The following APLP2 variants were observed in gnomAD, a reference collection of about 807,000 sequenced individuals.
APLP2 encodes the protein amyloid beta precursor like protein 2, also known as CDEI box-binding protein.
APLP2 carries 53 observed loss-of-function variants against 89.9 expected under a neutral mutation model. The observed-to-expected ratio is 0.59, with a 90% confidence interval of 0.47 to 0.74. The LOEUF is 0.74. Ranked by LOEUF, APLP2 falls within the 30% of genes least tolerant of loss-of-function variation. The probability of loss-of-function intolerance (pLI) is 0.00; values close to 1 mark genes in which losing one functional copy is unlikely to be tolerated. For missense variants in APLP2, 973 were observed against 975.9 expected (o/e 1.00, Z 0.04); for synonymous variants, 372 against 348.6 (o/e 1.07, Z -0.75).
At chr11:130,121,962 A>G in intron 5 of APLP2, 152 bp downstream of exon 5, 3 of 1,253,022 alleles carry the variant, frequency 2.4e-6, no homozygotes, top group Admixed American at 2.3e-5. Context: ...CATTCTAGCC[A>G]TTGCCAATCA....
intron 3 of APLP2, among the ~76,000 whole-genome samples, chr11:130,113,823 A>G (rs1263924020): frequency 1.3e-5 from 2 of 152,204 alleles, no homozygotes; most frequent in Non-Finnish European, 2.9e-5. Flanking sequence ...TCAAATTTAC[A>G]GAATGGTTAC....
intron 8 of APLP2, 85 bp downstream of exon 8, chr11:130,126,915 C>T: frequency 1.3e-6 from 2 of 1,569,854 alleles, no homozygotes; most frequent in South Asian, 1.1e-5. Context: ...AATAGCTTCT[C>T]CCTAGATTGT....
rs190311604 is a variant in APLP2, at chr11:130,109,908, C to G, written c.279+306C>G. 14 of 286,516 alleles carry G rather than the reference C, an allele frequency of 4.9e-5. No homozygotes were observed. In the Admixed American group the frequency reaches 5.0e-4, roughly 10 times the overall value. 17.7% of individuals were successfully genotyped at this position (286,516 alleles called of 1,614,324 possible). ...TTGGAAGATGGAAAACAAAACATGTCTCCTTACTGACAGAAAGCCACCAGT... is the reference window on the plus strand; with the variant it reads ...TTGGAAGATGGAAAACAAAACATGTGTCCTTACTGACAGAAAGCCACCAGT... On this transcript the variant is annotated intron_variant, in intron 2 of 16. Transcript: ENST00000338167.
At chr11:130,090,592 A>G (rs1944815465) in intron 1 of APLP2, among the ~76,000 whole-genome samples, 1 of 151,858 alleles carries the variant, frequency 6.6e-6, no homozygotes, top group South Asian at 2.1e-4. Flanking sequence ...AAGGTCACAG[A>G]TCAACAGGAT....
At chr11:130,096,229 A>G (rs1335544389) in intron 1 of APLP2, among the ~76,000 whole-genome samples, 1 of 152,194 alleles carries the variant, frequency 6.6e-6, no homozygotes, top group African/African-American at 2.4e-5. Context: ...GGCTTGTGAC[A>G]TCAAGGGTGG....
Position 130,141,411 on chromosome 11 carries a change from C to A in APLP2, c.1924-87C>A. On this transcript the variant is annotated intron_variant, in intron 14 of 16. Coordinates refer to ENST00000338167, the MANE Select transcript of APLP2 (RefSeq NM_001142276.2). This position sits in a 1 kb window ranked among gnomAD's most constrained non-coding sequence, Gnocchi z 4.2. ...CAGGTACCTGCTTCCTTCCATCAAG[C>A]AGCAGGTAGCAGAGGAAGGAGGCAG... The A allele has an allele frequency of 9.3e-7, 1 of 1,079,080 alleles. No homozygotes were observed. The highest frequency in any genetic ancestry group is 1.3e-5 in the South Asian group (1 of 74,860). 66.8% of individuals were successfully genotyped at this position (1,079,080 alleles called of 1,614,324 possible).
intron 11 of APLP2, among the ~76,000 whole-genome samples, chr11:130,131,928 C>T (rs1175370572): frequency 1.3e-5 from 2 of 152,192 alleles, no homozygotes; most frequent in Non-Finnish European, 2.9e-5. Flanking sequence ...CAAAGCTTAC[C>T]TTCTGCCTTG....
chr11:130,134,817 G>A (rs957940451), intron 12 of APLP2, among the ~76,000 whole-genome samples: 8 of 152,146 alleles, frequency 5.3e-5, no homozygotes, highest in African/African-American at 1.9e-4. Context: ...TTGGGGGAGC[G>A]GCATCAAGAA....
At chr11:130,084,998 C>A (rs765685630) in intron 1 of APLP2, among the ~76,000 whole-genome samples, 1 of 152,060 alleles carries the variant, frequency 6.6e-6, no homozygotes, top group Non-Finnish European at 1.5e-5. Flanking sequence ...TAAAAAGTAT[C>A]GTGAGACTAT....
Position 130,120,857 on chromosome 11 carries a change from C to G in APLP2, c.516+39C>G, listed in dbSNP as rs1219799835. 6 of 1,434,344 alleles carry G rather than the reference C, an allele frequency of 4.2e-6. No individual in the cohort carries two copies. In the African/African-American group the frequency reaches 4.2e-5, roughly 10 times the overall value. The allele number at this position is 1,434,344 out of a possible 1,614,324, so 88.9% of individuals were successfully genotyped here. A position where few individuals can be genotyped will look rare whatever the true frequency, so the allele number is the denominator to read the frequency against. On this transcript the variant is annotated intron_variant, in intron 4 of 16. Transcript: ENST00000338167. ...GGGGGAAAGTCAGCTGCTGTTGTAT[C>G]TGTTAGGAGGGAAGTAGCACTTTTC...
rs150028786 is a variant in APLP2 at position 130,110,660 on chromosome 11, C to T, written c.402C>T (p.Leu134=). ...GCTTTGTTACACCTTTCAAGTGTCT[C>T]GGTGAGTGTTCTTGGTTACTTTTCA... ...KSRFVTPFKC[L]VGEFVSDVLL... The change falls in exon 3 of 17, where the codon CTC becomes CTT. Residue 134 remains leucine (L), a splice_region_variant and synonymous_variant. Transcript: ENST00000338167. 73 of 1,608,600 alleles carry T rather than the reference C, an allele frequency of 4.5e-5. No individual in the cohort carries two copies. Among genetic ancestry groups the T allele is most frequent in the African/African-American group, 6.7e-5 (5 of 74,424 alleles).
At position 130,140,481 on chromosome 11, in the gene APLP2, A is replaced by T. The variant is rs538423079; in HGVS notation, c.1921A>T (p.Met641Leu). ...INSKNKVDEN[M>L]VIDETLDVKE... is the part of the protein sequence containing the mutation. ...CAGTAAGAATAAAGTGGATGAAAAC[A>T]TGGTGAGCCTGTTCTTTCTTCTGCC... Residue 641 changes from methionine (M) to leucine (L), a missense_variant and splice_region_variant, in exon 14 of 17, where the codon ATG becomes TTG. Transcript: ENST00000338167. 5.0e-6 allele frequency: 8 copies of T among 1,608,166 alleles called. No individual in the cohort carries two copies. In the East Asian group the frequency reaches 1.1e-4, roughly 23 times the overall value.
At chr11:130,070,227 C>A in intron 1 of APLP2, 145 bp downstream of exon 1, 1 of 364,052 alleles carries the variant, frequency 2.7e-6, no homozygotes, top group Non-Finnish European at 4.3e-6. Context: ...GCGCGCCCTC[C>A]CCCGCCCGTC....
chr11:130,081,580 A>C (rs1943160198), intron 1 of APLP2, among the ~76,000 whole-genome samples: 1 of 152,196 alleles, frequency 6.6e-6, no homozygotes, highest in Non-Finnish European at 1.5e-5. Context: ...TATGTGGAAA[A>C]AAATTAAGGA....
At chr11:130,119,156 A>T (rs1215748058) in intron 3 of APLP2, among the ~76,000 whole-genome samples, 1 of 152,096 alleles carries the variant, frequency 6.6e-6, no homozygotes, top group African/African-American at 2.4e-5. Context: ...CTTAGACCAC[A>T]TTACTTTCTC....
Position 130,130,195 on chromosome 11 carries a change from C to T in APLP2, c.1584+29C>T, listed in dbSNP as rs201932437. 92 of 1,614,128 alleles carry T rather than the reference C, an allele frequency of 5.7e-5. No homozygotes were observed. The East Asian group carries it at 7.6e-4, about 13-fold the overall frequency. On this transcript the variant is annotated intron_variant, in intron 11 of 16. Coordinates refer to ENST00000338167, the MANE Select transcript of APLP2 (RefSeq NM_001142276.2). ...CAGTAGATGTAGTAGAAATTGCTGC[C>T]GTGAGGGCATTTCCAGTGGGGAACA... is the stretch of plus-strand genomic sequence containing the variant.
chr11:130,119,718 C>CTT (rs1949608108), intron 3 of APLP2, among the ~76,000 whole-genome samples: 1 of 152,220 alleles, frequency 6.6e-6, no homozygotes, highest in Non-Finnish European at 1.5e-5. Context: ...CTCTCTGCAT[C>CTT]TTATATGTAT....
chr11:130,122,197 G>A (rs933543654), intron 5 of APLP2, 108 bp from the exon 6 acceptor site: 1 of 1,323,536 alleles, frequency 7.6e-7, no homozygotes, highest in African/African-American at 1.5e-5. Flanking sequence ...TGTGCGTTGA[G>A]CTTATTTCCT....
At chr11:130,136,946 T>A (rs1285005067) in intron 13 of APLP2, among the ~76,000 whole-genome samples, 2 of 152,158 alleles carry the variant, frequency 1.3e-5, no homozygotes, top group Non-Finnish European at 2.9e-5. Flanking sequence ...ACTTCAATTT[T>A]CACTTTTTTC....
Sources: gnomAD v4.1 joint callset for allele counts (sites outside exome capture counted in the v4.1 genomes callset) on GRCh38, gnomAD v4.1.1 for gene constraint, Gnocchi (gnomAD v3.1) non-coding constraint, MANE v1.5 for transcripts, NCBI Gene and HGNC (gene_info 2026-07-23, HGNC 2026-07-21) for gene names.